NELL2: variants seen among roughly 807,000 people sequenced by gnomAD.
NELL2 encodes the protein neural EGFL like 2.
Under a neutral mutation model 109.6 loss-of-function variants are expected in NELL2, and 41 were observed. The observed-to-expected ratio is 0.37, with a 90% CI of 0.29 to 0.49. NELL2 has a LOEUF of 0.49. NELL2 is among the 20% of genes least tolerant of loss of function. The pLI, the probability that NELL2 is intolerant of heterozygous loss-of-function variation, is 0.98. For synonymous variants in NELL2, 355 were observed against 344.7 expected (o/e 1.03, Z -0.33); for missense variants, 900 against 1,008.3 (o/e 0.89, Z 1.45).
At chr12:44,545,515 A>T (rs1198096213) in intron 15 of NELL2, among the ~76,000 whole-genome samples, 1 of 152,118 alleles carries the variant, frequency 6.6e-6, no homozygotes, top group Non-Finnish European at 1.5e-5. Flanking sequence ...AATAACTCAG[A>T]TAACAAGGTA....
intron 15 of NELL2, among the ~76,000 whole-genome samples, chr12:44,606,669 GA>G (rs1447371318): frequency 6.6e-6 from 1 of 152,040 alleles, no homozygotes; most frequent in African/African-American, 2.4e-5. Flanking sequence ...GAATGGATCT[GA>G]ATGAGAAATA....
chr12:44,809,443 T>C (rs1285561460), intron 3 of NELL2, among the ~76,000 whole-genome samples: 2 of 152,214 alleles, frequency 1.3e-5, no homozygotes, highest in Middle Eastern at 6.8e-3. Flanking sequence ...AGCCTGAGTG[T>C]CTTAACTCTT....
chr12:44,781,293 T>A (rs981009127), intron 3 of NELL2, among the ~76,000 whole-genome samples: 10 of 151,062 alleles, frequency 6.6e-5, no homozygotes, highest in African/African-American at 2.4e-4. Context: ...TGGAAGTGAC[T>A]GTGAAAAGAA....
intron 9 of NELL2, among the ~76,000 whole-genome samples, chr12:44,719,689 T>C (rs1938667494): frequency 6.6e-6 from 1 of 152,152 alleles, no homozygotes; most frequent in Non-Finnish European, 1.5e-5. Flanking sequence ...GGATTGACAG[T>C]CTGTTAAGGA....
chr12:44,866,846 T>C (rs1945015839), intron 2 of NELL2, among the ~76,000 whole-genome samples: 1 of 152,000 alleles, frequency 6.6e-6, no homozygotes, highest in Non-Finnish European at 1.5e-5. Context: ...CTATAAACAA[T>C]TATATGCCAA....
Position 44,777,093 on chromosome 12 carries a change from A to G in NELL2, c.711T>C (p.Leu237=). 1 of 1,614,074 alleles carries G rather than the reference A, an allele frequency of 6.2e-7. No individual in the cohort carries two copies. The highest frequency in any genetic ancestry group is 8.5e-7 in the Non-Finnish European group (1 of 1,179,946). The change falls in exon 7 of 20, where the codon CTT becomes CTC. Residue 237 remains leucine (L), a synonymous_variant. Transcript: ENST00000429094. Reference sequence around the variant, plus strand: ...CCTGTAGCTCCATGATTTTCTGCACAAGTCCATGGAAGTCATTGCAAGTTG... The same window carrying G: ...CCTGTAGCTCCATGATTTTCTGCACGAGTCCATGGAAGTCATTGCAAGTTG... ...TCPTCNDFHG[L]VQKIMELQDI... is the part of the protein sequence containing the mutation.
At chr12:44,837,148 C>A (rs1944077842) in intron 2 of NELL2, among the ~76,000 whole-genome samples, 1 of 152,226 alleles carries the variant, frequency 6.6e-6, no homozygotes, top group African/African-American at 2.4e-5. Context: ...CTATGTGAGG[C>A]ACTTTCCTAA....
At chr12:44,648,236 C>T (rs774945188) in intron 13 of NELL2, among the ~76,000 whole-genome samples, 33 of 152,142 alleles carry the variant, frequency 2.2e-4, no homozygotes, top group Non-Finnish European at 4.4e-4. Flanking sequence ...AAATATGTTT[C>T]GAATTTAACT....
intron 13 of NELL2, among the ~76,000 whole-genome samples, chr12:44,626,726 T>C (rs1373582601): frequency 6.6e-6 from 1 of 152,040 alleles, no homozygotes; most frequent in Non-Finnish European, 1.5e-5. Flanking sequence ...ATGAAGAAAT[T>C]GAGGTTCATT....
rs562326316 is a variant in NELL2, at chr12:44,528,093, G to A, written c.1804+4488C>T. Among the ~76,000 whole-genome samples the A allele has an allele frequency of 6.6e-3, 483 of 73,402 alleles. 4 individuals carry two copies. The highest frequency in any genetic ancestry group is 0.028 in the African/African-American group (415 of 14,914). The allele number at this position is 73,402 out of a possible 152,430, so 48.2% of individuals were successfully genotyped here. On this transcript the variant is annotated intron_variant, in intron 16 of 19. Transcript: ENST00000429094. Reference sequence around the variant, plus strand: ...AGCCTGGGCGACAGAGCGAGACTCCGTCTCAAAAAAAAAAAAAAAAAAAAA... The same window carrying A: ...AGCCTGGGCGACAGAGCGAGACTCCATCTCAAAAAAAAAAAAAAAAAAAAA...
intron 11 of NELL2, among the ~76,000 whole-genome samples, chr12:44,705,131 C>A (rs1937797024): frequency 6.6e-6 from 1 of 151,428 alleles, no homozygotes; most frequent in African/African-American, 2.4e-5. Flanking sequence ...GATGGAAGTA[C>A]TATATTGGTT....
chr12:44,885,932 C>T (rs1223987198), intron 1 of NELL2, among the ~76,000 whole-genome samples: 1 of 151,374 alleles, frequency 6.6e-6, no homozygotes, highest in Non-Finnish European at 1.5e-5. Context: ...TAAGGCTAGA[C>T]ATAAAAATTA....
chr12:44,705,811 G>A (rs1259284553), intron 11 of NELL2, among the ~76,000 whole-genome samples: 3 of 152,138 alleles, frequency 2.0e-5, no homozygotes, highest in Admixed American at 6.5e-5. Flanking sequence ...CTAAATTTCT[G>A]CATAATTTTG....
At chr12:44,698,389 G>C (rs942849529) in intron 12 of NELL2, among the ~76,000 whole-genome samples, 8 of 149,958 alleles carry the variant, frequency 5.3e-5, no homozygotes, top group Non-Finnish European at 2.9e-5. Context: ...ATACAGCCCT[G>C]GAAGCTGGGC....
intron 15 of NELL2, among the ~76,000 whole-genome samples, chr12:44,592,062 TG>T (rs1268448842): frequency 6.6e-6 from 1 of 152,012 alleles, no homozygotes; most frequent in Admixed American, 6.6e-5. Context: ...GATGGCAAAA[TG>T]GGGAAGGGGT....
intron 13 of NELL2, among the ~76,000 whole-genome samples, chr12:44,641,785 C>T: frequency 6.8e-6 from 1 of 147,150 alleles, no homozygotes; most frequent in East Asian, 2.0e-4. Flanking sequence ...CAACCTCTGC[C>T]TCTCGGGTTC....
At chr12:44,527,598 A>G (rs2138998314) in intron 16 of NELL2, among the ~76,000 whole-genome samples, 2 of 152,304 alleles carry the variant, frequency 1.3e-5, no homozygotes, top group South Asian at 4.1e-4. Context: ...TTGTAAAGCT[A>G]CCATTGTGGC....
At chr12:44,773,186 T>C (rs747485031) in intron 9 of NELL2, among the ~76,000 whole-genome samples, 16 of 152,132 alleles carry the variant, frequency 1.1e-4, no homozygotes, top group Non-Finnish European at 1.3e-4. Context: ...TAAAAGAAGT[T>C]AAAGCAGGGC....
At chr12:44,545,462 T>G (rs1362712726) in intron 15 of NELL2, among the ~76,000 whole-genome samples, 2 of 152,086 alleles carry the variant, frequency 1.3e-5, no homozygotes, top group African/African-American at 4.8e-5. Context: ...GGAAATATAT[T>G]CAAGAGTTCA....
Sources: gnomAD v4.1 joint callset for allele counts (sites outside exome capture counted in the v4.1 genomes callset) on GRCh38, gnomAD v4.1.1 for gene constraint, MANE v1.5 for transcripts, NCBI Gene and HGNC (gene_info 2026-07-23, HGNC 2026-07-21) for gene names.